PXDN: variants seen among roughly 807,000 people sequenced by gnomAD.
PXDN encodes the protein peroxidasin homolog.
PXDN carries 77 observed loss-of-function variants against 140.3 expected under a neutral mutation model. The ratio of observed to expected loss-of-function variants is 0.55; its 90% confidence interval spans 0.46 to 0.66. The LOEUF (loss-of-function observed/expected upper bound fraction) is 0.66, where lower values mean the gene tolerates loss of function less well. Among genes scored for constraint, PXDN ranks in the 30% least tolerant of loss-of-function variants. The probability of loss-of-function intolerance (pLI) is 0.00; values close to 1 mark genes in which losing one functional copy is unlikely to be tolerated. For synonymous variants in PXDN, 911 were observed against 857.4 expected (o/e 1.06, Z -1.09); for missense variants, 1,838 against 2,039.5 (o/e 0.90, Z 1.90).
chr2:1,671,353 T>C (rs1272194965), intron 9 of PXDN, among the ~76,000 whole-genome samples: 1 of 152,214 alleles, frequency 6.6e-6, no homozygotes, highest in Non-Finnish European at 1.5e-5. Flanking sequence ...AAATCTCATA[T>C]TGTTAACTAC....
At chr2:1,737,003 G>A (rs893688975) in intron 1 of PXDN, among the ~76,000 whole-genome samples, 1 of 152,200 alleles carries the variant, frequency 6.6e-6, no homozygotes, top group African/African-American at 2.4e-5. Context: ...GCATACAACA[G>A]CCCGGTAGGA....
At position 1,649,524 on chromosome 2, in the gene PXDN, C is replaced by T. The variant is rs376764530; in HGVS notation, c.2256G>A (p.Gln752=). 2.5e-6 allele frequency: 4 copies of T among 1,614,028 alleles called. No homozygotes were observed. The highest frequency in any genetic ancestry group is 1.6e-4 in the Middle Eastern group (1 of 6,062). Reference sequence around the variant, plus strand: ...TCAGCGAGGCGCCCCACATGGGGTGCTGCAGGTTGTTACAGGTGCCGTCGT... The same window carrying T: ...TCAGCGAGGCGCCCCACATGGGGTGTTGCAGGTTGTTACAGGTGCCGTCGT... The part of the protein sequence containing the change: ...RTHDGTCNNL[Q]HPMWGASLTA... The change falls in exon 17 of 23, where the codon CAG becomes CAA. Residue 752 remains glutamine, a synonymous_variant. Transcript: ENST00000252804. The surrounding 1 kb of genome is among the most constrained non-coding windows in gnomAD (Gnocchi z 7.1).
intron 4 of PXDN, 71 bp from the exon 5 acceptor site, chr2:1,684,222 T>G: frequency 1.5e-6 from 2 of 1,348,998 alleles, no homozygotes; most frequent in East Asian, 5.0e-5. Flanking sequence ...TTGCCCAAAT[T>G]TTTTTCCTAG....
intron 4 of PXDN, among the ~76,000 whole-genome samples, chr2:1,684,651 A>G (rs1572157816): frequency 6.6e-6 from 1 of 152,322 alleles, no homozygotes; most frequent in East Asian, 1.9e-4. Context: ...GGAAACACAA[A>G]AAGAATGTCA....
Position 1,649,186 on chromosome 2 carries a change from T to C in PXDN, c.2594A>G (p.Asn865Ser), listed in dbSNP as rs373604868. Residue 865 changes from asparagine to serine, a missense_variant, in exon 17 of 23, where the codon AAT becomes AGT. Around this residue, in one of 5 missense-constraint regions of PXDN, gnomAD observed 850 missense variants for 894.1 expected, o/e 0.95. Transcript: ENST00000252804. The surrounding 1 kb of genome is among the most constrained non-coding windows in gnomAD (Gnocchi z 7.1). ...GGCCCCGCTCCTGGCCCGGGAGTCA[T>C]TGGGGGGGATCATGACAGAGAAGCA... ...PPCFSVMIPP[N>S]DSRARSGARC... The C allele has an allele frequency of 1.1e-4, 141 of 1,318,932 alleles. No individual in the cohort carries two copies. In the Middle Eastern group the frequency reaches 1.5e-3, roughly 14 times the overall value. The allele number at this position is 1,318,932 out of a possible 1,614,324, so 81.7% of individuals were successfully genotyped here. A position where few individuals can be genotyped will look rare whatever the true frequency, so the allele number is the denominator to read the frequency against.
rs1189020012 is a variant in PXDN at position 1,744,396 on chromosome 2, G to T, written c.60C>A (p.Cys20Ter). 2.0e-6 allele frequency: 3 copies of T among 1,524,386 alleles called. No individual in the cohort carries two copies. The highest frequency in any genetic ancestry group is 1.8e-6 in the Non-Finnish European group (2 of 1,142,652). 94.4% of individuals were successfully genotyped at this position (1,524,386 alleles called of 1,614,324 possible). ...RRCLLALVLF[C>*]AWGTLAVVAQ... Reference sequence around the variant, plus strand: ...CCACCACGGCCAGCGTCCCCCAGGCGCAGAACAGCACGAGCGCCAACAGGC... The same window carrying T: ...CCACCACGGCCAGCGTCCCCCAGGCTCAGAACAGCACGAGCGCCAACAGGC... Residue 20 changes from cysteine to a stop codon, truncating the protein, a stop_gained, in exon 1 of 23, where the codon TGC becomes TGA. Coordinates refer to ENST00000252804, the MANE Select transcript of PXDN (RefSeq NM_012293.3). LOFTEE classifies it high-confidence loss of function.
At chr2:1,680,748 T>C (rs1217296142) in intron 6 of PXDN, among the ~76,000 whole-genome samples, 1 of 152,132 alleles carries the variant, frequency 6.6e-6, no homozygotes, top group Non-Finnish European at 1.5e-5. Flanking sequence ...ATCAGTAACA[T>C]GAAAACCACA....
At chr2:1,677,679 C>T (rs1056091519) in intron 7 of PXDN, among the ~76,000 whole-genome samples, 14 of 152,196 alleles carry the variant, frequency 9.2e-5, no homozygotes, top group African/African-American at 2.9e-4. Context: ...CCCAGGCTCC[C>T]GTCCCTGGTG....
intron 16 of PXDN, 26 bp downstream of exon 16, chr2:1,653,602 G>C (rs1242170934): frequency 2.5e-6 from 4 of 1,610,408 alleles, no homozygotes; most frequent in Non-Finnish European, 3.4e-6. Flanking sequence ...GGCCATGGAG[G>C]AGGAAGAAAA....
At chr2:1,635,733 G>A (rs898026057) in intron 21 of PXDN, 26 of 557,054 alleles carry the variant, frequency 4.7e-5, no homozygotes, top group South Asian at 1.2e-4. Flanking sequence ...TCCCACCACC[G>A]TGCTGTCAAA....
intron 3 of PXDN, among the ~76,000 whole-genome samples, chr2:1,688,384 C>G (rs374551744): frequency 1.3e-5 from 2 of 152,202 alleles, no homozygotes; most frequent in African/African-American, 4.8e-5. Flanking sequence ...GCTGTGTGGC[C>G]GAGCTGAGTG....
Position 1,649,001 on chromosome 2 carries a change from G to A in PXDN, c.2779C>T (p.Arg927Cys). The A allele has an allele frequency of 3.7e-6, 6 of 1,612,046 alleles. No individual in the cohort carries two copies. The highest frequency in any genetic ancestry group is 5.1e-6 in the Non-Finnish European group (6 of 1,179,438). The change falls in exon 17 of 23, where the codon CGC (arginine) becomes TGC (cysteine). Residue 927 changes from arginine (R) to cysteine (C), a missense_variant. By Grantham distance (180) the Arg-to-Cys change is radical. This residue lies in a region of PXDN where 850 missense variants were observed against 894.1 expected (regional missense o/e 0.95). Coordinates refer to ENST00000252804, the MANE Select transcript of PXDN (RefSeq NM_012293.3). The surrounding 1 kb of genome is among the most constrained non-coding windows in gnomAD (Gnocchi z 7.1). ...AGGCCGCGGTGGCTGGCCAGGTCGC[G>A]GATGCTGCGGGCCTCATGCTCCGTG... is the stretch of plus-strand genomic sequence containing the variant. ...GSTEHEARSI[R>C]DLASHRGLLR... is the part of the protein sequence containing the mutation.
chr2:1,677,439 C>T (rs1048343595), intron 7 of PXDN, among the ~76,000 whole-genome samples: 1 of 152,204 alleles, frequency 6.6e-6, no homozygotes, highest in African/African-American at 2.4e-5. Context: ...CTAAAGCGTC[C>T]CTGAAAGAAT....
Position 1,639,174 on chromosome 2 carries a change from G to A in PXDN, c.4073+128C>T, listed in dbSNP as rs1682652444. ...GACGCAGGCTGCGGCCTGGCCCCCA[G>A]TGCCCTGGGACGTCCCTGCCAGGAA... On this transcript the variant is annotated intron_variant, in intron 20 of 22. Transcript: ENST00000252804. This position sits in a 1 kb window ranked among gnomAD's most constrained non-coding sequence, Gnocchi z 5.0. 2.0e-6 allele frequency: 3 copies of A among 1,495,834 alleles called. No individual in the cohort carries two copies. The highest frequency in any genetic ancestry group is 1.4e-5 in the African/African-American group (1 of 71,856). 92.7% of individuals were successfully genotyped at this position (1,495,834 alleles called of 1,614,324 possible).
chr2:1,634,446 G>C lies in PXDN; in HGVS notation c.4321-123C>G, dbSNP rs76979298. 3,539 of 1,250,356 alleles carry C rather than the reference G, an allele frequency of 2.8e-3. 81 individuals carry two copies. The African/African-American group carries it at 0.047, about 17-fold the overall frequency. The allele number at this position is 1,250,356 out of a possible 1,614,324, so 77.5% of individuals were successfully genotyped here. ...AGTCAGGCCTTGCCCTGAGGCCCCT[G>C]CCTTGCCCGCTGTACTTGCCCTGTG... On this transcript the variant is annotated intron_variant, in intron 22 of 22. Transcript: ENST00000252804.
intron 9 of PXDN, among the ~76,000 whole-genome samples, chr2:1,673,301 G>A (rs1683618906): frequency 6.6e-6 from 1 of 152,200 alleles, no homozygotes; most frequent in Non-Finnish European, 1.5e-5. Context: ...AGCTGGCTGT[G>A]GCTGAGTAGC....
intron 1 of PXDN, among the ~76,000 whole-genome samples, chr2:1,695,164 T>C (rs934260755): frequency 6.6e-6 from 1 of 152,228 alleles, no homozygotes. Context: ...AGATGTGGAC[T>C]TGGCTCCTGG....
In PXDN at chr2:1,644,704, C is replaced by A; in HGVS notation, c.3657G>T (p.Val1219=). The A allele has an allele frequency of 6.2e-7, 1 of 1,601,312 alleles. No homozygotes were observed. Among genetic ancestry groups the A allele is most frequent in the Non-Finnish European group, 8.5e-7 (1 of 1,171,756 alleles). Reference sequence around the variant, plus strand: ...GCCGGCTGCCAGGCACCAGGTCCTCCACCACGAGCGCCGGAAACAGGTCGA... The same window carrying A: ...GCCGGCTGCCAGGCACCAGGTCCTCAACCACGAGCGCCGGAAACAGGTCGA... ...LNIDLFPALV[V]EDLVPGSRLG... Residue 1219 remains valine (V), a synonymous_variant, in exon 18 of 23, where the codon GTG becomes GTT. Transcript: ENST00000252804.
chr2:1,744,235 G>C, intron 1 of PXDN, 21 bp downstream of exon 1: 1 of 1,284,496 alleles, frequency 7.8e-7, no homozygotes, highest in Non-Finnish European at 1.0e-6. Flanking sequence ...CCGCGCCCCC[G>C]GCGTCCCCCG....
Sources: gnomAD v4.1 joint callset for allele counts (sites outside exome capture counted in the v4.1 genomes callset) on GRCh38, gnomAD v4.1.1 for gene constraint, gnomAD v4.1.1 regional missense constraint, Gnocchi (gnomAD v3.1) non-coding constraint, MANE v1.5 for transcripts, NCBI Gene and HGNC (gene_info 2026-07-23, HGNC 2026-07-21) for gene names.